Variants in COPS5 observed in about 807,000 individuals in gnomAD.
COPS5 encodes COP9 signalosome complex subunit 5.
A neutral mutation model predicts 44.4 loss-of-function variants in COPS5; 8 were observed. The observed-to-expected ratio is 0.18, with a 90% CI of 0.11 to 0.32. The LOEUF is 0.32. Among genes scored for constraint, COPS5 ranks in the 10% least tolerant of loss-of-function variants. The pLI is 1.00. For missense variants in COPS5, 159 were observed against 406.4 expected (o/e 0.39, Z 5.23); for synonymous variants, 122 against 142.8 (o/e 0.85, Z 1.04).
chr8:67,060,206 A>C (rs1378440674), intron 1 of COPS5: 2 of 351,044 alleles, frequency 5.7e-6, no homozygotes, highest in Non-Finnish European at 8.6e-6. Flanking sequence ...TCTTGAATAA[A>C]ATTACATTTT....
intron 4 of COPS5, 90 bp from the exon 5 acceptor site, chr8:67,056,694 TATATATATATATATATA>T (rs1804517870): frequency 4.2e-5 from 2 of 47,146 alleles, no homozygotes; most frequent in Non-Finnish European, 3.8e-5. Context: ...TATATATATA[TATATATATATATATATA>T]AAAATGAGAA....
chr8:67,061,945 T>C lies in COPS5; in HGVS notation c.52A>G (p.Asn18Asp). 1 of 1,614,262 alleles carries C rather than the reference T, an allele frequency of 6.2e-7. No homozygotes were observed. Among genetic ancestry groups the C allele is most frequent in the South Asian group, 1.1e-5 (1 of 91,088 alleles). The change falls in exon 1 of 8, where the codon AAC becomes GAC. Residue 18 changes from asparagine to aspartate, a missense_variant. Asn to Asp is a conservative substitution (Grantham distance 23). Around this residue, in one of 2 missense-constraint regions of COPS5, gnomAD observed 25 missense variants for 29.7 expected, o/e 0.84. Transcript: ENST00000357849. Reference protein sequence around the residue: ...MAQKTWELANNMQEAQSIDEI... With the variant: ...MAQKTWELANDMQEAQSIDEI... ...TCGATACTCTGAGCTTCCTGCATGTTGTTGGCCAGTTCCCAGGTTTTCTGG... is the reference window on the plus strand; with the variant it reads ...TCGATACTCTGAGCTTCCTGCATGTCGTTGGCCAGTTCCCAGGTTTTCTGG...
At chr8:67,061,703 G>T in intron 1 of COPS5, 151 bp downstream of exon 1, 2 of 749,368 alleles carry the variant, frequency 2.7e-6, no homozygotes, top group Non-Finnish European at 4.4e-6. Flanking sequence ...CCCAGCGGAG[G>T]GCTTAGGCTC....
Position 67,062,035 on chromosome 8 carries a change from G to C in COPS5, c.-39C>G, listed in dbSNP as rs755365026. 10 of 1,613,856 alleles carry C rather than the reference G, an allele frequency of 6.2e-6. No individual in the cohort carries two copies. In the East Asian group the frequency reaches 1.3e-4, roughly 22 times the overall value. On this transcript the variant is annotated 5_prime_UTR_variant, in exon 1 of 8. Coordinates refer to ENST00000357849, the MANE Select transcript of COPS5 (RefSeq NM_006837.3). ...GAGAAGTTGTCGTCTCTACAACCAAGACGCAACTTTACCTCGCTAGGTTTC... is the reference window on the plus strand; with the variant it reads ...GAGAAGTTGTCGTCTCTACAACCAACACGCAACTTTACCTCGCTAGGTTTC...
chr8:67,054,794 AT>A (rs998116833), intron 5 of COPS5, among the ~76,000 whole-genome samples: 1 of 151,952 alleles, frequency 6.6e-6, no homozygotes, highest in Non-Finnish European at 1.5e-5. Flanking sequence ...TTAAGCAGCA[AT>A]TTTTTTTGGT....
chr8:67,058,368 T>C (rs78475503), intron 2 of COPS5, among the ~76,000 whole-genome samples, 157 bp from the exon 3 acceptor site: 70 of 152,318 alleles, frequency 4.6e-4, no homozygotes, highest in Non-Finnish European at 9.3e-4. Flanking sequence ...TTGCTTACCC[T>C]TACAGAGATA....
intron 6 of COPS5, among the ~76,000 whole-genome samples, chr8:67,050,291 G>A (rs1563445084): frequency 2.0e-5 from 3 of 152,150 alleles, no homozygotes; most frequent in East Asian, 3.9e-4. Flanking sequence ...GTAAGCCACC[G>A]CGCCCGGCCT....
intron 6 of COPS5, among the ~76,000 whole-genome samples, chr8:67,048,610 G>A (rs1031608907): frequency 5.9e-5 from 9 of 151,680 alleles, no homozygotes; most frequent in Non-Finnish European, 1.2e-4. Context: ...CAGCTACTCC[G>A]GAGGCTGAGG....
At chr8:67,055,488 GA>G (rs542352034) in intron 5 of COPS5, among the ~76,000 whole-genome samples, 175 of 152,324 alleles carry the variant, frequency 1.1e-3, no homozygotes, top group African/African-American at 3.9e-3. Context: ...GATATATTTA[GA>G]AGGTAGAGAA....
At chr8:67,052,077 A>C (rs1466669067) in intron 5 of COPS5, among the ~76,000 whole-genome samples, 1 of 152,200 alleles carries the variant, frequency 6.6e-6, no homozygotes, top group Non-Finnish European at 1.5e-5. Context: ...TTGAATAACA[A>C]TAAGTGATGC....
chr8:67,055,565 C>T (rs1804490281), intron 5 of COPS5, among the ~76,000 whole-genome samples: 1 of 152,036 alleles, frequency 6.6e-6, no homozygotes, highest in South Asian at 2.1e-4. Context: ...TCATAAAATT[C>T]ACCATCAAAA....
chr8:67,050,413 T>C (rs1422097414), intron 6 of COPS5, among the ~76,000 whole-genome samples: 2 of 152,204 alleles, frequency 1.3e-5, no homozygotes, highest in East Asian at 3.8e-4. Context: ...TTTTCTACGC[T>C]GCGGCTCAGC....
At chr8:67,050,795 T>C (rs1804400450) in intron 6 of COPS5, among the ~76,000 whole-genome samples, 1 of 152,012 alleles carries the variant, frequency 6.6e-6, no homozygotes, top group Non-Finnish European at 1.5e-5. Flanking sequence ...CTCATAATAT[T>C]GGTTGAATGC....
intron 7 of COPS5, 43 bp downstream of exon 7, chr8:67,045,767 GAA>G: frequency 6.2e-7 from 1 of 1,605,146 alleles, no homozygotes; most frequent in Non-Finnish European, 8.5e-7. Flanking sequence ...AATTTTGAAA[GAA>G]AAAGAGTTAG....
chr8:67,043,145 T>C lies in COPS5; in HGVS notation c.*88A>G. On this transcript the variant is annotated 3_prime_UTR_variant, in exon 8 of 8. Transcript: ENST00000357849. ...GACACTTCAGAGCACCTTATACTTC[T>C]AATCAGATTTTGGGTAACTGGTTTT... The C allele has an allele frequency of 5.5e-6, 4 of 728,526 alleles. No homozygotes were observed. The highest frequency in any genetic ancestry group is 9.5e-6 in the Non-Finnish European group (4 of 419,466). 45.1% of individuals were successfully genotyped at this position (728,526 alleles called of 1,614,324 possible).
chr8:67,056,696 TATATATATATATATA>T (rs1804518143), intron 4 of COPS5, 92 bp from the exon 5 acceptor site: 2 of 46,112 alleles, frequency 4.3e-5, no homozygotes, highest in African/African-American at 1.1e-4. Flanking sequence ...TATATATATA[TATATATATATATATA>T]AAAATGAGAA....
chr8:67,052,864 C>A (rs1804439632), intron 5 of COPS5, among the ~76,000 whole-genome samples: 1 of 150,666 alleles, frequency 6.6e-6, no homozygotes, highest in Admixed American at 6.6e-5. Context: ...CCTGTAGATA[C>A]CCGGGACTCT....
intron 1 of COPS5, chr8:67,061,451 C>G (rs1234838935): frequency 4.5e-6 from 2 of 443,000 alleles, no homozygotes; most frequent in Non-Finnish European, 8.9e-6. Context: ...AAGAAAATAG[C>G]TCATAGCTAT....
intron 1 of COPS5, 124 bp from the exon 2 acceptor site, chr8:67,059,569 C>T (rs1391817809): frequency 1.4e-5 from 10 of 706,218 alleles, no homozygotes; most frequent in Middle Eastern, 3.5e-4. Flanking sequence ...GTGTAGACTA[C>T]GGGGAGAAAA....
Sources: gnomAD v4.1 joint callset for allele counts (sites outside exome capture counted in the v4.1 genomes callset) on GRCh38, gnomAD v4.1.1 for gene constraint, gnomAD v4.1.1 regional missense constraint, MANE v1.5 for transcripts, NCBI Gene and HGNC (gene_info 2026-07-23, HGNC 2026-07-21) for gene names.